RTTN: variants seen among roughly 807,000 people sequenced by gnomAD.
RTTN encodes the protein rotatin.
Under a neutral mutation model 269.2 loss-of-function variants are expected in RTTN, and 182 were observed. The ratio of observed to expected loss-of-function variants is 0.68; its 90% CI spans 0.60 to 0.76. RTTN has a LOEUF of 0.76. RTTN is among the 30% of genes least tolerant of loss of function. RTTN has a pLI of 0.00. For synonymous variants in RTTN, 1,006 were observed against 963.5 expected (o/e 1.04, Z -0.82); for missense variants, 2,545 against 2,608.6 (o/e 0.98, Z 0.53).
At chr18:70,205,430 G>C in intron 1 of RTTN, 115 bp from the exon 2 acceptor site, 2 of 1,421,070 alleles carry the variant, frequency 1.4e-6, no homozygotes. Flanking sequence ...TTCAGAAGCA[G>C]GCCACTGGTG....
chr18:70,119,924 T>C (rs2059693426), intron 26 of RTTN, among the ~76,000 whole-genome samples: 1 of 152,168 alleles, frequency 6.6e-6, no homozygotes, highest in Admixed American at 6.5e-5. Context: ...AACAAAACAG[T>C]CCCTACCTTC....
chr18:70,173,415 C>T (rs1450825636), intron 11 of RTTN, among the ~76,000 whole-genome samples: 1 of 151,282 alleles, frequency 6.6e-6, no homozygotes, highest in Non-Finnish European at 1.5e-5. Flanking sequence ...ATGGCTTGAA[C>T]CCAGGAGGCG....
intron 10 of RTTN, among the ~76,000 whole-genome samples, chr18:70,184,800 C>T (rs1461339944): frequency 1.4e-4 from 18 of 128,938 alleles, no homozygotes; most frequent in African/African-American, 3.9e-4. Flanking sequence ...GAGGCTGAGG[C>T]AGGAGAATGG....
chr18:70,169,145 G>A, intron 11 of RTTN, 78 bp from the exon 12 acceptor site: 2 of 1,002,806 alleles, frequency 2.0e-6, no homozygotes, highest in Non-Finnish European at 2.8e-6. Flanking sequence ...GTGGGCTATA[G>A]TCTTAATCTA....
At chr18:70,039,983 C>T (rs543867153) in intron 40 of RTTN, among the ~76,000 whole-genome samples, 3 of 152,048 alleles carry the variant, frequency 2.0e-5, no homozygotes, top group African/African-American at 7.2e-5. Context: ...AATGGAGACA[C>T]AAAAACTAAG....
At chr18:70,190,851 G>T in intron 8 of RTTN, 132 bp from the exon 9 acceptor site, 1 of 569,178 alleles carries the variant, frequency 1.8e-6, no homozygotes. Context: ...ACTCTGGTCA[G>T]ATTTGTAGAA....
At chr18:70,171,623 C>T (rs886786781) in intron 11 of RTTN, among the ~76,000 whole-genome samples, 9 of 152,140 alleles carry the variant, frequency 5.9e-5, no homozygotes, top group African/African-American at 1.9e-4. Flanking sequence ...CATATATAAG[C>T]ATTAGTCACA....
intron 11 of RTTN, 99 bp from the exon 12 acceptor site, chr18:70,169,166 C>CT: frequency 2.4e-6 from 2 of 820,954 alleles, no homozygotes; most frequent in Non-Finnish European, 3.5e-6. Context: ...ATCCAACTTC[C>CT]TTTTTAGCAA....
At chr18:70,049,103 T>C (rs2057580859) in intron 39 of RTTN, among the ~76,000 whole-genome samples, 1 of 152,182 alleles carries the variant, frequency 6.6e-6, no homozygotes. Flanking sequence ...AGCAAACTTT[T>C]TCTGTAAAGG....
At position 70,101,608 on chromosome 18, in the gene RTTN, C is replaced by A. The variant is rs577484057; in HGVS notation, c.3903+7890G>T. Among the ~76,000 whole-genome samples, 56 of 152,154 alleles carry A rather than the reference C, an allele frequency of 3.7e-4. 1 individual carries two copies. In the South Asian group the frequency reaches 0.012, roughly 32 times the overall value. On this transcript the variant is annotated intron_variant, in intron 28 of 48. Coordinates refer to ENST00000640769, the MANE Select transcript of RTTN (RefSeq NM_173630.4). ...CTGCTCTGTTCTTAGTTATTTCTTGCCTTCTGCTAGCTTTTGAATGTGTTT... is the reference window on the plus strand; with the variant it reads ...CTGCTCTGTTCTTAGTTATTTCTTGACTTCTGCTAGCTTTTGAATGTGTTT...
Position 70,177,003 on chromosome 18 carries a change from T to A in RTTN, c.1306-158A>T, listed in dbSNP as rs1411284385. Reference sequence around the variant, plus strand: ...TCCTGTGAGAATTACCAATGCCTGCTGACATAATTTAAAAAGCACAAAAGA... The same window carrying A: ...TCCTGTGAGAATTACCAATGCCTGCAGACATAATTTAAAAAGCACAAAAGA... On this transcript the variant is annotated intron_variant, in intron 10 of 48. Transcript: ENST00000640769. Among the ~76,000 whole-genome samples the A allele has an allele frequency of 4.6e-5, 7 of 152,176 alleles. No individual in the cohort carries two copies. In the East Asian group the frequency reaches 1.3e-3, roughly 29 times the overall value.
At chr18:70,147,746 G>A (rs1599771098) in intron 17 of RTTN, among the ~76,000 whole-genome samples, 1 of 152,056 alleles carries the variant, frequency 6.6e-6, no homozygotes, top group Admixed American at 6.6e-5. Flanking sequence ...GCCTTTCCTT[G>A]CACTATGCTC....
chr18:70,135,402 C>T (rs1474024568), intron 21 of RTTN, 122 bp from the exon 22 acceptor site: 2 of 578,102 alleles, frequency 3.5e-6, no homozygotes, highest in Non-Finnish European at 5.9e-6. Context: ...TAAGGTGACA[C>T]TAAAACACAG....
chr18:70,031,937 A>G (rs1351242667), intron 40 of RTTN, among the ~76,000 whole-genome samples: 1 of 152,132 alleles, frequency 6.6e-6, no homozygotes, highest in Non-Finnish European at 1.5e-5. Context: ...AAGGCAAGGA[A>G]CAAAATTCGC....
chr18:70,047,872 T>A lies in RTTN; in HGVS notation c.5541+99A>T, dbSNP rs1376373977. 27 of 904,430 alleles carry A rather than the reference T, an allele frequency of 3.0e-5. No individual in the cohort carries two copies. The East Asian group carries it at 6.2e-4, about 21-fold the overall frequency. The allele number at this position is 904,430 out of a possible 1,614,324, so 56.0% of individuals were successfully genotyped here. Reference sequence around the variant, plus strand: ...AGTCATAATAAGCATTACTATTTCTTAATTTAAATGACTGAGACAGTTTTT... The same window carrying A: ...AGTCATAATAAGCATTACTATTTCTAAATTTAAATGACTGAGACAGTTTTT... On this transcript the variant is annotated intron_variant, in intron 40 of 48. Coordinates refer to ENST00000640769, the MANE Select transcript of RTTN (RefSeq NM_173630.4).
At chr18:70,069,972 C>T (rs554974630) in intron 34 of RTTN, among the ~76,000 whole-genome samples, 1 of 152,298 alleles carries the variant, frequency 6.6e-6, no homozygotes, top group South Asian at 2.1e-4. Context: ...CTTTGGCATG[C>T]TTCTCAATTT....
At position 70,171,657 on chromosome 18, in the gene RTTN, A is replaced by C. The variant is rs144578461; in HGVS notation, c.1477-2590T>G. On this transcript the variant is annotated intron_variant, in intron 11 of 48. Coordinates refer to ENST00000640769, the MANE Select transcript of RTTN (RefSeq NM_173630.4). ...CATGCCATCAGAACTAAAAGTGAAGATGTTTCAGTGCAAATCCATCACCCC... is the reference window on the plus strand; with the variant it reads ...CATGCCATCAGAACTAAAAGTGAAGCTGTTTCAGTGCAAATCCATCACCCC... Among the ~76,000 whole-genome samples the C allele has an allele frequency of 3.0e-3, 462 of 152,328 alleles. 3 individuals are homozygous for C. The highest frequency in any genetic ancestry group is 3.0e-3 in the Non-Finnish European group (204 of 68,032).
chr18:70,043,303 T>C (rs1217095887), intron 40 of RTTN, among the ~76,000 whole-genome samples: 1 of 152,162 alleles, frequency 6.6e-6, no homozygotes, highest in Non-Finnish European at 1.5e-5. Context: ...AGTTAAACAC[T>C]CTGCAACACG....
rs2060975651 is a variant in RTTN, at chr18:70,166,028, CAAAAACAAAACATACGA to C, written c.1929+17_1929+33del. 4.4e-6 allele frequency: 7 copies of C among 1,608,734 alleles called. No individual in the cohort carries two copies. The highest frequency in any genetic ancestry group is 1.7e-5 in the Admixed American group (1 of 59,778). On this transcript the variant is annotated intron_variant, in intron 14 of 48. Coordinates refer to ENST00000640769, the MANE Select transcript of RTTN (RefSeq NM_173630.4). The stretch of plus-strand genomic sequence containing the variant: ...AACAAGAGAGTCTACTATTTGTTCT[CAAAAACAAAACATACGA>C]AAAAACAAAACCTCACCTTCGTGAT...
Sources: allele counts gnomAD v4.1 joint callset (sites outside exome capture counted in the v4.1 genomes callset), GRCh38; gene constraint gnomAD v4.1.1; transcripts MANE v1.5; gene names NCBI Gene and HGNC (gene_info 2026-07-23, HGNC 2026-07-21).